ZNF582: variants seen among roughly 807,000 people sequenced by gnomAD.
The protein encoded by ZNF582 is zinc finger protein 582.
In ZNF582, 14 loss-of-function variants were observed where a neutral mutation model predicts 12.3. The ratio of observed to expected loss-of-function variants is 1.14; its 90% CI spans 0.75 to 1.78. The LOEUF (loss-of-function observed/expected upper bound fraction) is 1.78. Ranked by LOEUF, ZNF582 falls within the 40% of genes most tolerant of loss-of-function variation. The probability of loss-of-function intolerance (pLI) is 0.00; values close to 1 mark genes in which losing one functional copy is unlikely to be tolerated. For synonymous variants in ZNF582, 210 were observed against 207.2 expected, an observed-to-expected ratio of 1.01 and a Z score of -0.11; for missense variants, 567 against 616.5, an observed-to-expected ratio of 0.92 and a Z score of 0.85.
intron 4 of ZNF582, chr19:56,388,510 C>T (rs980079112): frequency 6.6e-6 from 1 of 152,210 alleles, no homozygotes; most frequent in East Asian, 1.9e-4. Flanking sequence ...TTGTGAGAAG[C>T]ACAATATTTA....
Position 56,383,937 on chromosome 19 carries a change from AG to A in ZNF582, c.1479del (p.Leu494TyrfsTer2). On this transcript the variant is annotated frameshift_variant, in exon 5 of 5. Transcript: ENST00000586929. LOFTEE classifies it low-confidence loss of function (END_TRUNC). Reference sequence around the variant, plus strand: ...AACATAAATTCTCTGATGATTAGTAAGGGGTAACTGCTGATGGAAGGCTTTT... The same window carrying A: ...AACATAAATTCTCTGATGATTAGTAAGGGTAACTGCTGATGGAAGGCTTTT... 1 of 1,611,440 alleles carries A rather than the reference AG, an allele frequency of 6.2e-7. No individual in the cohort carries two copies. The highest frequency in any genetic ancestry group is 8.5e-7 in the Non-Finnish European group (1 of 1,179,160).
chr19:56,389,060 T>G (rs1417621946), intron 4 of ZNF582, among the ~76,000 whole-genome samples: 1 of 152,214 alleles, frequency 6.6e-6, no homozygotes, highest in Non-Finnish European at 1.5e-5. Flanking sequence ...CATCACACCT[T>G]CCATGTCTCA....
At chr19:56,391,805 G>A (rs757084859) in exon 2 of ZNF582, 1 of 1,614,118 alleles carries the variant, frequency 6.2e-7, no homozygotes, top group Non-Finnish European at 8.5e-7. Flanking sequence ...CCTCTCTTGG[G>A]GAAGGGCAGA....
In ZNF582 at chr19:56,384,050, CA is replaced by C; in HGVS notation, c.1366del (p.Cys456ValfsTer5). On this transcript the variant is annotated frameshift_variant, in exon 5 of 5. Coordinates refer to ENST00000586929, the Ensembl canonical transcript of ZNF582. LOFTEE classifies it low-confidence loss of function (END_TRUNC). The stretch of plus-strand genomic sequence containing the variant: ...TGAATCATGACTCAAGGTCTTCTCA[CA>C]TTCCTTATATTCATAGGGCTTTTTC... The C allele has an allele frequency of 6.2e-7, 1 of 1,612,106 alleles. No individual in the cohort carries two copies. Among genetic ancestry groups the C allele is most frequent in the Non-Finnish European group, 8.5e-7 (1 of 1,179,290 alleles).
intron 2 of ZNF582, 29 bp downstream of exon 2, chr19:56,391,715 G>T: frequency 6.2e-7 from 1 of 1,600,500 alleles, no homozygotes; most frequent in Non-Finnish European, 8.6e-7. Context: ...GATAAGGAAA[G>T]CAAATATTTA....
In ZNF582 at chr19:56,385,186, T is replaced by A. The variant is rs1287195555; in HGVS notation, c.233-2A>T. ...TGGTATCATATCTGGACTCCAATAC[T>A]AAGAATGAAAAAAAGCGAATATGTT... On this transcript the variant is annotated splice_acceptor_variant, in intron 4 of 4. Transcript: ENST00000586929. LOFTEE classifies it high-confidence loss of function. The A allele has an allele frequency of 1.3e-6, 2 of 1,562,216 alleles. No homozygotes were observed. The highest frequency in any genetic ancestry group is 1.4e-5 in the African/African-American group (1 of 72,520).
intron 4 of ZNF582, among the ~76,000 whole-genome samples, chr19:56,387,012 G>A (rs1042175712): frequency 4.6e-5 from 7 of 152,130 alleles, no homozygotes; most frequent in East Asian, 1.9e-4. Flanking sequence ...ACCCTTAAAC[G>A]TTTATGTTCA....
chr19:56,391,808 A>C, exon 2 of ZNF582: 1 of 1,614,150 alleles, frequency 6.2e-7, no homozygotes, highest in Non-Finnish European at 8.5e-7. Flanking sequence ...CTCTTGGGGA[A>C]GGGCAGAGTC....
exon 4 of ZNF582, chr19:56,390,018 G>A: frequency 6.2e-7 from 1 of 1,613,956 alleles, no homozygotes; most frequent in South Asian, 1.1e-5. Context: ...CAGGCCTCCA[G>A]ACACCACTCT....
intron 4 of ZNF582, among the ~76,000 whole-genome samples, chr19:56,387,039 A>G (rs1411548456): frequency 1.3e-5 from 2 of 152,224 alleles, no homozygotes; most frequent in African/African-American, 2.4e-5. Context: ...TTCTGTTGAG[A>G]CTTCTGGCTA....
exon 1 of ZNF582, chr19:56,393,494 G>A (rs1324714895): frequency 3.9e-6 from 2 of 509,514 alleles, no homozygotes; most frequent in Non-Finnish European, 3.9e-6. Flanking sequence ...CGGCAGCCCA[G>A]GGCGCGCTTC....
At chr19:56,384,143 C>A (rs202167550) in exon 5 of ZNF582, 54 of 1,612,884 alleles carry the variant, frequency 3.3e-5, no homozygotes, top group Non-Finnish European at 4.6e-5. Flanking sequence ...ACATTCCTTA[C>A]ATTCATATGG....
At chr19:56,392,002 G>T (rs1198385986) in intron 1 of ZNF582, among the ~76,000 whole-genome samples, 170 bp from the exon 2 acceptor site, 3 of 151,964 alleles carry the variant, frequency 2.0e-5, no homozygotes, top group African/African-American at 7.3e-5. Flanking sequence ...CTGCTGCAAG[G>T]CAAAGGGGAA....
intron 4 of ZNF582, among the ~76,000 whole-genome samples, chr19:56,387,207 C>T (rs2041974133): frequency 6.6e-6 from 1 of 152,116 alleles, no homozygotes; most frequent in South Asian, 2.1e-4. Flanking sequence ...GGTGAAAGAG[C>T]AGGAGGGAAT....
At chr19:56,384,319 G>A in exon 5 of ZNF582, 1 of 1,613,638 alleles carries the variant, frequency 6.2e-7, no homozygotes, top group Non-Finnish European at 8.5e-7. Context: ...TGCACTCATA[G>A]GGTTTCTCAC....
chr19:56,390,448 C>G (rs769509346), exon 3 of ZNF582: 2 of 1,614,174 alleles, frequency 1.2e-6, no homozygotes, highest in South Asian at 2.2e-5. Context: ...GTGCCAACCA[C>G]TGCCATTCTT....
intron 1 of ZNF582, among the ~76,000 whole-genome samples, chr19:56,392,568 C>G (rs111641223): frequency 6.6e-6 from 1 of 152,224 alleles, no homozygotes; most frequent in East Asian, 1.9e-4. Context: ...GAGGTTGAAT[C>G]ATTTTTGGCA....
At chr19:56,388,212 C>G (rs902609204) in intron 4 of ZNF582, 4 of 151,964 alleles carry the variant, frequency 2.6e-5, no homozygotes, top group African/African-American at 7.3e-5. Flanking sequence ...GTCTGGAAAA[C>G]TATGAACGTT....
Position 56,391,849 on chromosome 19 carries a change from C to A in ZNF582, c.-80-17G>T, listed in dbSNP as rs1464416704. On this transcript the variant is annotated splice_polypyrimidine_tract_variant and intron_variant, in intron 1 of 4. Coordinates refer to ENST00000586929, the Ensembl canonical transcript of ZNF582. ...ACGGTAGAGCTGGGGGAGGAAAGAG[C>A]AAACATGAGAGGCTAGGCTTGCCTC... 6.2e-7 allele frequency: 1 copy of A among 1,609,966 alleles called. No individual in the cohort carries two copies. The highest frequency in any genetic ancestry group is 8.5e-7 in the Non-Finnish European group (1 of 1,177,250).
Sources: allele counts gnomAD v4.1 joint callset (sites outside exome capture counted in the v4.1 genomes callset), GRCh38; gene constraint gnomAD v4.1.1; transcripts MANE v1.5; gene names NCBI Gene and HGNC (gene_info 2026-07-23, HGNC 2026-07-21).